The following PLXNA4 variants were observed in gnomAD, a reference collection of about 807,000 sequenced individuals.
PLXNA4 encodes plexin-A4.
Under a neutral mutation model 191.8 loss-of-function variants are expected in PLXNA4, and 44 were observed. That is an observed-to-expected ratio of 0.23 (90% CI 0.18 to 0.29). The LOEUF (loss-of-function observed/expected upper bound fraction) is 0.29, where lower values mean the gene tolerates loss of function less well. Among genes scored for constraint, PLXNA4 ranks in the 10% least tolerant of loss-of-function variants. The pLI, the probability that PLXNA4 is intolerant of heterozygous loss-of-function variation, is 1.00. For missense variants in PLXNA4, 1,800 were observed against 2,488.8 expected, an observed-to-expected ratio of 0.72 and a Z score of 5.89; for synonymous variants, 1,082 against 1,009.5, an observed-to-expected ratio of 1.07 and a Z score of -1.36.
intron 4 of PLXNA4, among the ~76,000 whole-genome samples, chr7:132,261,617 T>C (rs1006171505): frequency 3.3e-5 from 5 of 152,082 alleles, no homozygotes; most frequent in African/African-American, 7.2e-5. Context: ...TCAATAAACA[T>C]CCCCAGCATA....
chr7:132,235,149 T>C (rs1171429258), intron 5 of PLXNA4, among the ~76,000 whole-genome samples: 1 of 151,930 alleles, frequency 6.6e-6, no homozygotes, highest in Non-Finnish European at 1.5e-5. Flanking sequence ...AGGAGAGGAA[T>C]GGAAGGGGAG....
At chr7:132,642,387 G>A (rs536104892) in intron 2 of PLXNA4, among the ~76,000 whole-genome samples, 1 of 152,096 alleles carries the variant, frequency 6.6e-6, no homozygotes, top group South Asian at 2.1e-4. Flanking sequence ...ATAGTATTAA[G>A]TGATTGATTA....
At chr7:132,573,603 G>A (rs1802076197) in intron 1 of PLXNA4, among the ~76,000 whole-genome samples, 1 of 152,022 alleles carries the variant, frequency 6.6e-6, no homozygotes, top group African/African-American at 2.4e-5. Flanking sequence ...CTGCCGTGCA[G>A]ATTTCCCTGT....
chr7:132,202,678 T>C lies in PLXNA4; in HGVS notation c.2554A>G (p.Lys852Glu). The C allele has an allele frequency of 6.4e-7, 1 of 1,553,386 alleles. No individual in the cohort carries two copies. Among genetic ancestry groups the C allele is most frequent in the Non-Finnish European group, 8.7e-7 (1 of 1,147,846 alleles). Residue 852 changes from lysine (K) to glutamate (E), a missense_variant, in exon 12 of 32, where the codon AAA becomes GAA. Physicochemically the swap from Lys to Glu is moderately conservative, Grantham distance 56. This residue lies in a region of PLXNA4 where 1,397 missense variants were observed against 1,880.4 expected (regional missense o/e 0.74). Transcript: ENST00000321063. ...ESQWLELSGAKSKCTNPRITE... is the reference protein window; with the variant it reads ...ESQWLELSGAESKCTNPRITE... ...ATGCGGGGGTTTGTGCACTTGCTTTTGGCACCAGACAGCTCCAGCCACTGG... is the reference window on the plus strand; with the variant it reads ...ATGCGGGGGTTTGTGCACTTGCTTTCGGCACCAGACAGCTCCAGCCACTGG...
At chr7:132,467,610 G>A (rs1796758859) in intron 3 of PLXNA4, among the ~76,000 whole-genome samples, 2 of 152,096 alleles carry the variant, frequency 1.3e-5, no homozygotes, top group African/African-American at 2.4e-5. Flanking sequence ...TTCAAAGGTG[G>A]GAAATTAACA....
intron 3 of PLXNA4, among the ~76,000 whole-genome samples, chr7:132,426,278 C>G (rs913400939): frequency 6.6e-6 from 1 of 152,320 alleles, no homozygotes; most frequent in East Asian, 1.9e-4. Context: ...CCCAGTAGAG[C>G]GGCTAAGGTG....
chr7:132,552,225 T>C (rs1765105970), intron 1 of PLXNA4, among the ~76,000 whole-genome samples: 1 of 152,152 alleles, frequency 6.6e-6, no homozygotes, highest in Non-Finnish European at 1.5e-5. Context: ...GTGTCCAGGA[T>C]CACAGCTGGC....
chr7:132,147,893 A>G lies in PLXNA4; in HGVS notation c.4864+7T>C. On this transcript the variant is annotated splice_region_variant and intron_variant, in intron 27 of 31. Transcript: ENST00000321063. ...AGGCCTCCCTAGGACACTCGGTGGG[A>G]TCTTACCATATTTACTTGCTGAGGT... 1 of 1,614,018 alleles carries G rather than the reference A, an allele frequency of 6.2e-7. No homozygotes were observed. Among genetic ancestry groups the G allele is most frequent in the Non-Finnish European group, 8.5e-7 (1 of 1,180,006 alleles).
chr7:132,433,643 A>G (rs984697019), intron 3 of PLXNA4, among the ~76,000 whole-genome samples: 2 of 152,148 alleles, frequency 1.3e-5, no homozygotes, highest in Non-Finnish European at 2.9e-5. Context: ...CTTATCTTTT[A>G]TCATTTCCTA....
At chr7:132,374,403 G>A (rs972550343) in intron 3 of PLXNA4, among the ~76,000 whole-genome samples, 1 of 152,148 alleles carries the variant, frequency 6.6e-6, no homozygotes, top group African/African-American at 2.4e-5. Flanking sequence ...AATACCACAC[G>A]ACAGGCTCCT....
intron 3 of PLXNA4, among the ~76,000 whole-genome samples, chr7:132,411,086 G>C (rs952613974): frequency 6.6e-6 from 1 of 152,206 alleles, no homozygotes; most frequent in African/African-American, 2.4e-5. Context: ...AATAGAGAAC[G>C]AAAAGAATGT....
chr7:132,161,100 C>A (rs1462906317), intron 24 of PLXNA4, among the ~76,000 whole-genome samples: 1 of 152,200 alleles, frequency 6.6e-6, no homozygotes, highest in African/African-American at 2.4e-5. Flanking sequence ...CCAGGCAAAG[C>A]CTGACCCTTG....
At chr7:132,170,423 G>T (rs866270786) in intron 21 of PLXNA4, among the ~76,000 whole-genome samples, 1 of 152,086 alleles carries the variant, frequency 6.6e-6, no homozygotes, top group Non-Finnish European at 1.5e-5. Context: ...AAGGAGAGGG[G>T]GTATGAAAAG....
chr7:132,364,449 G>T (rs1804073335), intron 3 of PLXNA4, among the ~76,000 whole-genome samples: 1 of 151,878 alleles, frequency 6.6e-6, no homozygotes, highest in African/African-American at 2.4e-5. Flanking sequence ...TTTCATGTCA[G>T]CTCACAGACA....
chr7:132,210,971 C>T lies in PLXNA4; in HGVS notation c.2270G>A (p.Ser757Asn), dbSNP rs1477812831. ...EQRVPALRFN[S>N]SSVQCQNTSY... ...GGTGTTCTGGCACTGTACGCTGGAG[C>T]TGTTGAAGCGCAGGGCGGGCACTCG... The change falls in exon 10 of 32, where the codon AGC becomes AAC. Residue 757 changes from serine (S) to asparagine (N), a missense_variant. Around this residue, in one of 6 missense-constraint regions of PLXNA4, gnomAD observed 1,397 missense variants for 1,880.4 expected, o/e 0.74. Coordinates refer to ENST00000321063, the MANE Select transcript of PLXNA4 (RefSeq NM_020911.2). 1.2e-6 allele frequency: 2 copies of T among 1,612,986 alleles called. No homozygotes were observed. Among genetic ancestry groups the T allele is most frequent in the South Asian group, 2.2e-5 (2 of 91,052 alleles).
intron 5 of PLXNA4, among the ~76,000 whole-genome samples, chr7:132,228,735 G>C (rs1405737765): frequency 6.6e-6 from 1 of 152,162 alleles, no homozygotes; most frequent in African/African-American, 2.4e-5. Context: ...ACTCACATAA[G>C]GTGTTGCACA....
chr7:132,344,631 C>T (rs1032693562), intron 3 of PLXNA4, among the ~76,000 whole-genome samples: 1 of 152,208 alleles, frequency 6.6e-6, no homozygotes, highest in Admixed American at 6.5e-5. Context: ...CCTCCTTCCT[C>T]TTCTCTTCTT....
At chr7:132,577,481 G>A (rs1464110914), upstream of PLXNA4, among the ~76,000 whole-genome samples, 1 of 151,146 alleles carries the variant, frequency 6.6e-6, no homozygotes, top group Non-Finnish European at 1.5e-5. Context: ...CGCTCTCGCT[G>A]GCTCGGAGCT....
At chr7:132,216,972 A>C (rs936948013) in intron 9 of PLXNA4, among the ~76,000 whole-genome samples, 1 of 152,222 alleles carries the variant, frequency 6.6e-6, no homozygotes, top group Non-Finnish European at 1.5e-5. Context: ...ATGCCAAAAG[A>C]ACCCAACTCC....
Sources: allele counts gnomAD v4.1 joint callset (sites outside exome capture counted in the v4.1 genomes callset), GRCh38; gene constraint gnomAD v4.1.1; regional missense constraint gnomAD v4.1.1; transcripts MANE v1.5; gene names NCBI Gene and HGNC (gene_info 2026-07-23, HGNC 2026-07-21).